The following ANK2 variants were observed in gnomAD, a reference collection of about 807,000 sequenced individuals.
ANK2 encodes ankyrin-2.
A neutral mutation model predicts 360.5 loss-of-function variants in ANK2; 83 were observed. The observed-to-expected ratio is 0.23, with a 90% CI of 0.19 to 0.28. The LOEUF is 0.28. ANK2 is among the 10% of genes least tolerant of loss of function. ANK2 has a pLI of 1.00. For missense variants in ANK2, 4,201 were observed against 4,795.7 expected (o/e 0.88, Z 3.66); for synonymous variants, 1,740 against 1,759.5 (o/e 0.99, Z 0.28).
intron 1 of ANK2, among the ~76,000 whole-genome samples, chr4:112,902,802 C>A (rs1422008705): frequency 6.6e-6 from 1 of 152,008 alleles, no homozygotes; most frequent in Non-Finnish European, 1.5e-5. Flanking sequence ...TTTAATAGCT[C>A]CTATTAAGGT....
intron 10 of ANK2, among the ~76,000 whole-genome samples, chr4:113,253,883 A>C (rs544598834): frequency 6.6e-6 from 1 of 152,222 alleles, no homozygotes; most frequent in South Asian, 2.1e-4. Context: ...CTCTGAGTAA[A>C]AGTCAAACCT....
chr4:112,850,012 A>G (rs1177005518), intron 1 of ANK2, among the ~76,000 whole-genome samples: 3 of 152,106 alleles, frequency 2.0e-5, no homozygotes, highest in Non-Finnish European at 4.4e-5. Context: ...ATCTTCTCCT[A>G]TCCTTGGGCA....
rs2153924905 is a variant in ANK2, at chr4:113,330,372, C to T, written c.3027C>T (p.Val1009=). 1 of 1,614,224 alleles carries T rather than the reference C, an allele frequency of 6.2e-7. No homozygotes were observed. The highest frequency in any genetic ancestry group is 1.7e-5 in the Admixed American group (1 of 60,032). The change falls in exon 27 of 46, where the codon GTC becomes GTT. Residue 1009 remains valine, a synonymous_variant. Transcript: ENST00000357077. ...CAACGCGAGTCACCTGCCGACTGGTCAAGCGCCACAGACTGGCAACAATGC... is the reference window on the plus strand; with the variant it reads ...CAACGCGAGTCACCTGCCGACTGGTTAAGCGCCACAGACTGGCAACAATGC... ...TAPTRVTCRL[V]KRHRLATMPP...
chr4:113,046,244 T>C (rs2064347307), upstream of ANK2, among the ~76,000 whole-genome samples: 1 of 152,200 alleles, frequency 6.6e-6, no homozygotes, highest in Non-Finnish European at 1.5e-5. Flanking sequence ...CCTGTTTAAC[T>C]ACTGGCTGGG....
Position 113,292,502 on chromosome 4 carries a change from C to T in ANK2, c.2364C>T (p.Asn788=), listed in dbSNP as rs769405364. Reference sequence around the variant, plus strand: ...TGCTCCAGCATGGGGCCAAGCCCAACGCCACCACTGCGGTAAGGCAGACGC... The same window carrying T: ...TGCTCCAGCATGGGGCCAAGCCCAATGCCACCACTGCGGTAAGGCAGACGC... ...NVLLQHGAKP[N]ATTANGNTAL... is the part of the protein sequence containing the mutation. Residue 788 remains asparagine (N), a synonymous_variant, in exon 21 of 46, where the codon AAC becomes AAT. Coordinates refer to ENST00000357077, the MANE Select transcript of ANK2 (RefSeq NM_001148.6). 58 of 1,609,666 alleles carry T rather than the reference C, an allele frequency of 3.6e-5. 1 individual carries two copies. Among genetic ancestry groups the T allele is most frequent in the Non-Finnish European group, 4.6e-5 (54 of 1,177,956 alleles).
At chr4:112,822,278 C>T (rs1337649716) in intron 1 of ANK2, among the ~76,000 whole-genome samples, 2 of 144,876 alleles carry the variant, frequency 1.4e-5, no homozygotes, top group East Asian at 2.0e-4. Context: ...ATTAGCCGGG[C>T]GTGGTGGCAT....
intron 1 of ANK2, among the ~76,000 whole-genome samples, chr4:113,061,243 G>T (rs2073191868): frequency 6.6e-6 from 1 of 152,068 alleles, no homozygotes; most frequent in Non-Finnish European, 1.5e-5. Context: ...CTAGCAACAG[G>T]TTAGGTGTGG....
chr4:113,322,998 C>T (rs1187712249), intron 26 of ANK2, among the ~76,000 whole-genome samples: 1 of 151,934 alleles, frequency 6.6e-6, no homozygotes, highest in Non-Finnish European at 1.5e-5. Context: ...GGTTGGATTT[C>T]CGGTCCATTA....
chr4:113,326,890 G>A (rs2090251602), intron 26 of ANK2, among the ~76,000 whole-genome samples: 1 of 152,070 alleles, frequency 6.6e-6, no homozygotes, highest in African/African-American at 2.4e-5. Flanking sequence ...TGTATTCCCA[G>A]CTACTTGGGA....
At chr4:113,336,085 C>G (rs2153960227) in intron 30 of ANK2, 28 bp downstream of exon 30, 1 of 1,605,460 alleles carries the variant, frequency 6.2e-7, no homozygotes, top group South Asian at 1.1e-5. Context: ...GCAAATGATC[C>G]TAACAGGATT....
At chr4:113,286,347 G>A (rs554558679) in intron 18 of ANK2, among the ~76,000 whole-genome samples, 54 of 152,206 alleles carry the variant, frequency 3.5e-4, no homozygotes, top group Non-Finnish European at 7.4e-4. Flanking sequence ...TGTGTTTTAC[G>A]AAACTCAAAG....
chr4:112,721,709 T>C, the ANK2 span, among the ~76,000 whole-genome samples: 2 of 152,142 alleles, frequency 1.3e-5, no homozygotes, highest in African/African-American at 4.8e-5. Flanking sequence ...AAAGTAATAA[T>C]GAAATTGTGA....
At chr4:112,972,502 C>G (rs1252136580) in intron 2 of ANK2, among the ~76,000 whole-genome samples, 1 of 152,012 alleles carries the variant, frequency 6.6e-6, no homozygotes, top group East Asian at 1.9e-4. Flanking sequence ...GACCCTGGGC[C>G]TGGTGGTAAG....
chr4:112,752,520 C>T, the ANK2 span, among the ~76,000 whole-genome samples: 5 of 151,548 alleles, frequency 3.3e-5, no homozygotes, highest in African/African-American at 1.2e-4. Context: ...TGTCTACAGA[C>T]ACATGCCACC....
intron 22 of ANK2, among the ~76,000 whole-genome samples, chr4:113,298,200 A>G (rs745479594): frequency 6.6e-6 from 1 of 152,206 alleles, no homozygotes; most frequent in African/African-American, 2.4e-5. Flanking sequence ...TAGGACTTCA[A>G]AAAACATCTA....
chr4:112,858,612 T>C (rs1560818806), intron 1 of ANK2, among the ~76,000 whole-genome samples: 1 of 152,224 alleles, frequency 6.6e-6, no homozygotes, highest in Admixed American at 6.5e-5. Flanking sequence ...TCTTAGTTCA[T>C]GCATTGACTG....
rs2154075085 is a variant in ANK2, at chr4:113,373,417, G to A, written c.11827G>A (p.Val3943Ile). Residue 3943 changes from valine (V) to isoleucine (I), a missense_variant, in exon 45 of 46, where the codon GTT (valine) becomes ATT (isoleucine). Val to Ile is a conservative substitution (Grantham distance 29). Coordinates refer to ENST00000357077, the MANE Select transcript of ANK2 (RefSeq NM_001148.6). ...TGGCTATTCCAAAGTTATAAAGCGT[G>A]TTGTATTGAAGAGTGACACCGAGCA... ...GDGYSKVIKR[V>I]VLKSDTEQSE... 1.9e-6 allele frequency: 3 copies of A among 1,614,180 alleles called. No homozygotes were observed. Among genetic ancestry groups the A allele is most frequent in the Non-Finnish European group, 2.5e-6 (3 of 1,180,022 alleles).
At chr4:113,113,873 A>G (rs75637797) in intron 1 of ANK2, among the ~76,000 whole-genome samples, 3 of 152,320 alleles carry the variant, frequency 2.0e-5, no homozygotes, top group Non-Finnish European at 4.4e-5. Flanking sequence ...ACACAAGTAT[A>G]CAAGAAGGAA....
At chr4:113,262,871 A>G (rs1301284711) in intron 13 of ANK2, among the ~76,000 whole-genome samples, 2 of 151,856 alleles carry the variant, frequency 1.3e-5, no homozygotes, top group Admixed American at 1.3e-4. Flanking sequence ...TCCCTCACCA[A>G]TACAGAGGGA....
Sources: allele counts gnomAD v4.1 joint callset (sites outside exome capture counted in the v4.1 genomes callset), GRCh38; gene constraint gnomAD v4.1.1; transcripts MANE v1.5; gene names NCBI Gene and HGNC (gene_info 2026-07-23, HGNC 2026-07-21).